EYA2: variants seen among roughly 807,000 people sequenced by gnomAD.
EYA2 encodes protein phosphatase EYA2.
A neutral mutation model predicts 69.2 loss-of-function variants in EYA2; 31 were observed. The ratio of observed to expected loss-of-function variants is 0.45; its 90% CI spans 0.34 to 0.60. EYA2 has a LOEUF of 0.60. Ranked by LOEUF, EYA2 falls within the 20% of genes least tolerant of loss-of-function variation. The probability of loss-of-function intolerance (pLI) is 0.02; values close to 1 mark genes in which losing one functional copy is unlikely to be tolerated. For missense variants in EYA2, 622 were observed against 701.2 expected, an observed-to-expected ratio of 0.89 and a Z score of 1.28; for synonymous variants, 257 against 279.4, an observed-to-expected ratio of 0.92 and a Z score of 0.80.
intron 9 of EYA2, among the ~76,000 whole-genome samples, chr20:47,125,369 A>G (rs757408958): frequency 6.6e-6 from 1 of 152,068 alleles, no homozygotes; most frequent in African/African-American, 2.4e-5. Context: ...AGTTCTTGTT[A>G]GTACAGATAG....
chr20:47,065,622 TTAAAA>T (rs1322105573), intron 5 of EYA2, among the ~76,000 whole-genome samples: 9 of 151,268 alleles, frequency 5.9e-5, no homozygotes, highest in Non-Finnish European at 1.0e-4. Context: ...TTTTAATAAA[TTAAAA>T]GCGTGATTTT....
chr20:46,981,573 C>T (rs557411953), intron 1 of EYA2, among the ~76,000 whole-genome samples: 108 of 152,314 alleles, frequency 7.1e-4, no homozygotes, highest in African/African-American at 2.5e-3. Context: ...TTTTGCAGAT[C>T]TAATTCTAGG....
At chr20:47,075,869 A>G (rs1183476831) in intron 7 of EYA2, among the ~76,000 whole-genome samples, 1 of 152,156 alleles carries the variant, frequency 6.6e-6, no homozygotes, top group Non-Finnish European at 1.5e-5. Context: ...TCTACCCTCA[A>G]GTAGGTCCTT....
intron 12 of EYA2, among the ~76,000 whole-genome samples, chr20:47,174,118 G>A (rs1204260656): frequency 1.3e-5 from 2 of 152,208 alleles, no homozygotes; most frequent in East Asian, 3.8e-4. Flanking sequence ...TTGCCACAGT[G>A]CCTGGAACCA....
intron 1 of EYA2, among the ~76,000 whole-genome samples, chr20:46,926,937 C>T (rs1985440682): frequency 1.3e-5 from 2 of 152,272 alleles, no homozygotes; most frequent in African/African-American, 2.4e-5. Flanking sequence ...TGGGGGAAAG[C>T]AGGTGCCATG....
At chr20:47,025,536 T>A (rs1200761731) in intron 5 of EYA2, among the ~76,000 whole-genome samples, 3 of 152,254 alleles carry the variant, frequency 2.0e-5, no homozygotes, top group African/African-American at 7.2e-5. Context: ...ATTATTGCAT[T>A]GAATGATGTG....
At chr20:46,963,996 A>G (rs569121520) in intron 1 of EYA2, among the ~76,000 whole-genome samples, 4 of 152,250 alleles carry the variant, frequency 2.6e-5, no homozygotes, top group African/African-American at 7.2e-5. Context: ...ATCTTAACAC[A>G]TCAGCGGGTT....
At chr20:46,970,482 A>G (rs1980070058) in intron 1 of EYA2, among the ~76,000 whole-genome samples, 1 of 152,202 alleles carries the variant, frequency 6.6e-6, no homozygotes, top group Non-Finnish European at 1.5e-5. Flanking sequence ...AACAGCCTGC[A>G]ATTCCCTGTA....
intron 1 of EYA2, among the ~76,000 whole-genome samples, chr20:46,907,791 A>G (rs1213081773): frequency 6.6e-6 from 1 of 152,114 alleles, no homozygotes. Context: ...GTGAGCCGAG[A>G]TGGTGCCACT....
intron 9 of EYA2, among the ~76,000 whole-genome samples, chr20:47,130,261 C>CTTTGTTTTTTTTTTTTTTTTTTTTTT (rs2033305530): frequency 1.2e-5 from 1 of 81,260 alleles, no homozygotes; most frequent in African/African-American, 5.8e-5. Context: ...GGTTTATTTT[C>CTTTGTTTTTTTTTTTTTTTTTTTTTT]TTTTTTTTTT....
intron 9 of EYA2, among the ~76,000 whole-genome samples, chr20:47,108,195 A>G (rs932333083): frequency 3.3e-5 from 5 of 152,222 alleles, no homozygotes; most frequent in African/African-American, 1.2e-4. Context: ...GGTGGGGCCT[A>G]AAGGGAGGTG....
chr20:46,978,491 G>C (rs974472306), intron 1 of EYA2: 1 of 499,080 alleles, frequency 2.0e-6, no homozygotes, highest in African/African-American at 2.0e-5. Flanking sequence ...AGGCCCTGTG[G>C]CAAGAGGGAG....
At chr20:46,902,570 A>G (rs766680634) in intron 1 of EYA2, among the ~76,000 whole-genome samples, 4 of 152,360 alleles carry the variant, frequency 2.6e-5, no homozygotes, top group Non-Finnish European at 5.9e-5. Flanking sequence ...CCGTGGTATA[A>G]CAAGAACTTC....
intron 9 of EYA2, among the ~76,000 whole-genome samples, chr20:47,112,190 A>C (rs2032763796): frequency 6.6e-6 from 1 of 152,172 alleles, no homozygotes; most frequent in South Asian, 2.1e-4. Flanking sequence ...GAGAATGAGA[A>C]GGATACATAT....
chr20:47,112,663 A>G (rs951511570), intron 9 of EYA2, among the ~76,000 whole-genome samples: 1 of 152,054 alleles, frequency 6.6e-6, no homozygotes, highest in Non-Finnish European at 1.5e-5. Flanking sequence ...AAAAGCACTT[A>G]GGCACGTTTG....
intron 9 of EYA2, among the ~76,000 whole-genome samples, chr20:47,109,008 C>T (rs966433399): frequency 6.6e-6 from 1 of 152,048 alleles, no homozygotes; most frequent in African/African-American, 2.4e-5. Context: ...TTCTCTCCAC[C>T]CAGGGAGTGG....
chr20:47,100,246 T>G (rs1422245458), intron 9 of EYA2, among the ~76,000 whole-genome samples: 1 of 152,212 alleles, frequency 6.6e-6, no homozygotes, highest in East Asian at 1.9e-4. Context: ...GTCGCCAACA[T>G]TTAAAAATCA....
chr20:47,025,419 T>C (rs761725867), intron 5 of EYA2, among the ~76,000 whole-genome samples: 3 of 152,242 alleles, frequency 2.0e-5, no homozygotes, highest in Non-Finnish European at 2.9e-5. Flanking sequence ...TAACATCCTA[T>C]GCACACTCTT....
At chr20:47,028,758 T>G (rs1179765524) in intron 5 of EYA2, among the ~76,000 whole-genome samples, 1 of 152,220 alleles carries the variant, frequency 6.6e-6, no homozygotes, top group Non-Finnish European at 1.5e-5. Flanking sequence ...GCCTGTGCTC[T>G]TCACTCTGCC....
Sources: allele counts gnomAD v4.1 joint callset (sites outside exome capture counted in the v4.1 genomes callset), GRCh38; gene constraint gnomAD v4.1.1; transcripts MANE v1.5; gene names NCBI Gene and HGNC (gene_info 2026-07-23, HGNC 2026-07-21).